Variants in HEXB observed in about 807,000 individuals in gnomAD.
HEXB encodes the protein beta-hexosaminidase subunit beta.
In HEXB, 51 loss-of-function variants were observed where a neutral mutation model predicts 71.2. The observed-to-expected ratio is 0.72, with a 90% CI of 0.57 to 0.90. HEXB has a LOEUF of 0.90. Among genes scored for constraint, HEXB ranks in the 40% least tolerant of loss-of-function variants. The pLI is 0.00. For missense variants in HEXB, 617 were observed against 677.0 expected, an observed-to-expected ratio of 0.91 and a Z score of 0.98; for synonymous variants, 266 against 249.3, an observed-to-expected ratio of 1.07 and a Z score of -0.63.
intron 1 of HEXB, among the ~76,000 whole-genome samples, chr5:74,644,054 G>C (rs1015963571): frequency 8.5e-5 from 13 of 152,226 alleles, no homozygotes; most frequent in African/African-American, 3.1e-4. Flanking sequence ...CCCTTCCATA[G>C]TGTCAAGTTC....
At chr5:74,668,013 GGACA>G (rs1220733252) in intron 1 of HEXB, among the ~76,000 whole-genome samples, 1 of 152,034 alleles carries the variant, frequency 6.6e-6, no homozygotes, top group Non-Finnish European at 1.5e-5. Flanking sequence ...GGTTCTCAGG[GGACA>G]GACAACCTGT....
Position 74,718,930 on chromosome 5 carries a change from A to C in HEXB, c.1376A>C (p.Asp459Ala), listed in dbSNP as rs1554036939. Residue 459 changes from aspartate to alanine, a missense_variant, in exon 11 of 14, where the codon GAT becomes GCT. Asp to Ala is a moderately radical substitution (Grantham distance 126, BLOSUM62 -2). Transcript: ENST00000261416. Reference protein sequence around the residue: ...WYLDLISYGQDWRKYYKVEPL... With the variant: ...WYLDLISYGQAWRKYYKVEPL... ...TTAGATTTGATTAGCTATGGACAAGATTGGAGGAAATACTATAAAGTGGAA... is the reference window on the plus strand; with the variant it reads ...TTAGATTTGATTAGCTATGGACAAGCTTGGAGGAAATACTATAAAGTGGAA... The C allele has an allele frequency of 6.2e-7, 1 of 1,614,122 alleles. No homozygotes were observed. The highest frequency in any genetic ancestry group is 1.1e-5 in the South Asian group (1 of 91,080).
intron 1 of HEXB, among the ~76,000 whole-genome samples, chr5:74,661,537 G>A (rs1561204819): frequency 1.3e-5 from 2 of 148,344 alleles, no homozygotes; most frequent in Admixed American, 6.7e-5. Context: ...GTGTGTGTGT[G>A]TGTGTGTGTG....
At chr5:74,707,989 C>G (rs1749445218) in intron 6 of HEXB, among the ~76,000 whole-genome samples, 2 of 151,968 alleles carry the variant, frequency 1.3e-5, no homozygotes, top group Admixed American at 6.6e-5. Flanking sequence ...ACATAATTGT[C>G]AGATTCACCA....
chr5:74,713,573 T>G lies in HEXB; in HGVS notation c.839T>G (p.Leu280Ter), dbSNP rs1579950499. ...DVRMVIEYAR[L>*]RGIRVLPEFD... ...CGTATGGTGATTGAATATGCCAGATTACGAGGAATTCGAGTCCTGCCAGAA... is the reference window on the plus strand; with the variant it reads ...CGTATGGTGATTGAATATGCCAGATGACGAGGAATTCGAGTCCTGCCAGAA... Residue 280 changes from leucine to a stop codon, truncating the protein, a stop_gained, in exon 7 of 14, where the codon TTA (leucine) becomes TGA (stop). Transcript: ENST00000261416. LOFTEE classifies it high-confidence loss of function. 1.9e-6 allele frequency: 3 copies of G among 1,613,246 alleles called. No individual in the cohort carries two copies. In the South Asian group the frequency reaches 3.3e-5, roughly 18 times the overall value.
intron 1 of HEXB, among the ~76,000 whole-genome samples, chr5:74,668,293 T>G (rs11958029): frequency 6.6e-6 from 1 of 151,640 alleles, no homozygotes; most frequent in Non-Finnish European, 1.5e-5. Flanking sequence ...TTTTGAATTC[T>G]GCTTTTCTCT....
At chr5:74,720,812 A>G (rs935344897) in intron 13 of HEXB, 65 bp downstream of exon 13, 6 of 1,262,036 alleles carry the variant, frequency 4.8e-6, no homozygotes, top group African/African-American at 1.5e-5. Context: ...TTCTTTTGCT[A>G]TAAATAGAAA....
intron 6 of HEXB, among the ~76,000 whole-genome samples, chr5:74,711,988 T>C (rs1749553975): frequency 1.4e-5 from 2 of 148,140 alleles, no homozygotes; most frequent in Admixed American, 1.4e-4. Context: ...ACACGTATGT[T>C]TATTGTGGCA....
At chr5:74,683,679 G>A (rs1010120734), upstream of HEXB, among the ~76,000 whole-genome samples, 1 of 152,048 alleles carries the variant, frequency 6.6e-6, no homozygotes, top group Non-Finnish European at 1.5e-5. Context: ...GAAGAAAGGG[G>A]AGCAGGAGAA....
chr5:74,654,869 G>A (rs117700321), intron 1 of HEXB, among the ~76,000 whole-genome samples: 28 of 152,306 alleles, frequency 1.8e-4, no homozygotes, highest in East Asian at 1.3e-3. Flanking sequence ...GAGAGAGGCC[G>A]GGAAGCAGGA....
At chr5:74,690,114 T>C (rs986938153) in intron 2 of HEXB, among the ~76,000 whole-genome samples, 10 of 152,174 alleles carry the variant, frequency 6.6e-5, no homozygotes, top group African/African-American at 2.2e-4. Context: ...GCAGTTTCAT[T>C]TGTAATCTGC....
intron 7 of HEXB, 80 bp downstream of exon 7, chr5:74,713,715 G>C: frequency 8.4e-7 from 1 of 1,183,750 alleles, no homozygotes; most frequent in Non-Finnish European, 1.2e-6. Flanking sequence ...CCAGGCTGGA[G>C]TGCAGTAGTA....
At chr5:74,645,061 C>A (rs758305984) in intron 1 of HEXB, among the ~76,000 whole-genome samples, 12 of 152,086 alleles carry the variant, frequency 7.9e-5, no homozygotes, top group African/African-American at 2.4e-4. Flanking sequence ...TGTGAGCCAC[C>A]ACTCCTGGCC....
chr5:74,708,355 A>G (rs1450504149), intron 6 of HEXB, among the ~76,000 whole-genome samples: 1 of 151,950 alleles, frequency 6.6e-6, no homozygotes, highest in Non-Finnish European at 1.5e-5. Flanking sequence ...TGTAAAGACC[A>G]TCGAGACTAG....
At chr5:74,670,753 T>C (rs947205559) in intron 1 of HEXB, among the ~76,000 whole-genome samples, 6 of 151,822 alleles carry the variant, frequency 4.0e-5, no homozygotes, top group African/African-American at 1.5e-4. Flanking sequence ...GCATTCCTCT[T>C]GTTTAGATGC....
At chr5:74,713,695 G>C (rs947190270) in intron 7 of HEXB, 60 bp downstream of exon 7, 2 of 1,414,304 alleles carry the variant, frequency 1.4e-6, no homozygotes, top group African/African-American at 2.9e-5. Flanking sequence ...ATGGAGTCTT[G>C]TTCTGTCACC....
intron 1 of HEXB, among the ~76,000 whole-genome samples, chr5:74,654,732 G>A (rs1169950892): frequency 3.3e-5 from 5 of 152,174 alleles, no homozygotes; most frequent in Non-Finnish European, 4.4e-5. Flanking sequence ...GGTTAAACTA[G>A]AAAGACATAA....
intron 1 of HEXB, among the ~76,000 whole-genome samples, chr5:74,661,539 G>C (rs909347554): frequency 1.3e-5 from 2 of 148,630 alleles, no homozygotes; most frequent in Non-Finnish European, 3.0e-5. Context: ...GTGTGTGTGT[G>C]TGTGTGTGTG....
intron 6 of HEXB, among the ~76,000 whole-genome samples, chr5:74,707,439 G>A (rs541691398): frequency 1.6e-4 from 25 of 152,338 alleles, no homozygotes; most frequent in Admixed American, 1.3e-3. Context: ...AAAGCTGGAC[G>A]GAGAATGACT....
Sources: allele counts gnomAD v4.1 joint callset (sites outside exome capture counted in the v4.1 genomes callset), GRCh38; gene constraint gnomAD v4.1.1; transcripts MANE v1.5; gene names NCBI Gene and HGNC (gene_info 2026-07-23, HGNC 2026-07-21).